NOX4: variants seen among roughly 807,000 people sequenced by gnomAD.
NOX4 encodes kidney oxidase-1.
In NOX4, 69 loss-of-function variants were observed where a neutral mutation model predicts 87.6. The observed-to-expected ratio is 0.79, with a 90% CI of 0.65 to 0.96. The LOEUF (loss-of-function observed/expected upper bound fraction) is 0.96. Ranked by LOEUF, NOX4 falls within the 40% of genes least tolerant of loss-of-function variation. The probability of loss-of-function intolerance (pLI) is 0.00; values close to 1 mark genes in which losing one functional copy is unlikely to be tolerated. For missense variants in NOX4, 680 were observed against 681.5 expected, an observed-to-expected ratio of 1.00 and a Z score of 0.02; for synonymous variants, 275 against 238.2, an observed-to-expected ratio of 1.15 and a Z score of -1.42.
At chr11:89,445,282 CTATA>C (rs1232679255) in intron 4 of NOX4, among the ~76,000 whole-genome samples, 4 of 151,994 alleles carry the variant, frequency 2.6e-5, no homozygotes, top group Non-Finnish European at 4.4e-5. Flanking sequence ...CTAGAAAACT[CTATA>C]ATTTCCCACA....
At chr11:89,351,797 C>T (rs1425395267) in intron 13 of NOX4, among the ~76,000 whole-genome samples, 4 of 152,106 alleles carry the variant, frequency 2.6e-5, no homozygotes, top group Admixed American at 2.0e-4. Context: ...AGTGTTACTA[C>T]TCACATAGGC....
the NOX4 span, among the ~76,000 whole-genome samples, chr11:89,576,276 T>C: frequency 6.6e-6 from 1 of 152,244 alleles, no homozygotes; most frequent in Non-Finnish European, 1.5e-5. Flanking sequence ...CCTGATGTCA[T>C]GTGAGTTCTA....
intron 2 of NOX4, among the ~76,000 whole-genome samples, chr11:89,486,253 C>T (rs1168896998): frequency 7.8e-6 from 1 of 128,252 alleles, no homozygotes; most frequent in Non-Finnish European, 1.8e-5. Context: ...TAGTTCTATA[C>T]CAATTTTATT....
Position 89,476,590 on chromosome 11 carries a change from T to C in NOX4, c.153+13868A>G, listed in dbSNP as rs577264451. Among the ~76,000 whole-genome samples, 5 of 152,306 alleles carry C rather than the reference T, an allele frequency of 3.3e-5. No individual in the cohort carries two copies. The South Asian group carries it at 8.3e-4, about 25-fold the overall frequency. ...TTTTTAAACAAAATGAACAACTTATTTGTGCTCCTTTTTAAAAGAAAACCT... is the reference window on the plus strand; with the variant it reads ...TTTTTAAACAAAATGAACAACTTATCTGTGCTCCTTTTTAAAAGAAAACCT... On this transcript the variant is annotated intron_variant, in intron 2 of 17. Transcript: ENST00000263317.
rs59756892 is a variant in NOX4 at position 89,401,117 on chromosome 11, C to T, written c.847-738G>A. Among the ~76,000 whole-genome samples, 1,165 of 152,156 alleles carry T rather than the reference C, an allele frequency of 7.7e-3. 19 individuals are homozygous for T. Among genetic ancestry groups the T allele is most frequent in the African/African-American group, 0.027 (1,133 of 41,518 alleles). On this transcript the variant is annotated intron_variant, in intron 9 of 17. Transcript: ENST00000263317. ...TTTCACATCCCTTTGAGGCCTCCAACTAAAACTTGTCTTAATGGTCACTTT... is the reference window on the plus strand; with the variant it reads ...TTTCACATCCCTTTGAGGCCTCCAATTAAAACTTGTCTTAATGGTCACTTT...
intron 2 of NOX4, among the ~76,000 whole-genome samples, chr11:89,461,006 T>C (rs1194995994): frequency 6.6e-6 from 1 of 152,122 alleles, no homozygotes; most frequent in East Asian, 1.9e-4. Flanking sequence ...ATGTCCTTTG[T>C]AGGGACATGG....
At chr11:89,356,415 G>C (rs922886465) in intron 12 of NOX4, among the ~76,000 whole-genome samples, 1 of 123,824 alleles carries the variant, frequency 8.1e-6, no homozygotes, top group Non-Finnish European at 1.6e-5. Flanking sequence ...GAGGGGGAGG[G>C]GAAGAGGAAG....
the NOX4 span, among the ~76,000 whole-genome samples, chr11:89,547,317 G>A: frequency 1.3e-5 from 2 of 152,116 alleles, no homozygotes; most frequent in Non-Finnish European, 2.9e-5. Flanking sequence ...ATGAGGTACA[G>A]TAAATTTTCG....
At chr11:89,543,337 G>A in the NOX4 span, among the ~76,000 whole-genome samples, 1 of 152,084 alleles carries the variant, frequency 6.6e-6, no homozygotes, top group Non-Finnish European at 1.5e-5. Flanking sequence ...AAAGGATTTG[G>A]TGATATAGAA....
chr11:89,421,021 C>T (rs925323963), intron 8 of NOX4, among the ~76,000 whole-genome samples: 2 of 152,138 alleles, frequency 1.3e-5, no homozygotes, highest in South Asian at 4.1e-4. Context: ...CATGCTTACC[C>T]ACATGGGTTT....
intron 4 of NOX4, among the ~76,000 whole-genome samples, chr11:89,446,810 T>G (rs1462040084): frequency 6.6e-6 from 1 of 152,160 alleles, no homozygotes; most frequent in East Asian, 1.9e-4. Context: ...TCATTACACA[T>G]TTGTGCAAAC....
At position 89,428,871 on chromosome 11, in the gene NOX4, G is replaced by A. The variant is rs547878862; in HGVS notation, c.548+3913C>T. Among the ~76,000 whole-genome samples, 5 of 152,216 alleles carry A rather than the reference G, an allele frequency of 3.3e-5. No homozygotes were observed. The South Asian group carries it at 1.0e-3, about 32-fold the overall frequency. On this transcript the variant is annotated intron_variant, in intron 7 of 17. Coordinates refer to ENST00000263317, the MANE Select transcript of NOX4 (RefSeq NM_016931.5). ...AGCTCTGCACCAAGCGGACCTAATA[G>A]ACACCTACAGAACTCTCCACTCCAA...
chr11:89,489,795 C>G (rs375927165), intron 2 of NOX4, among the ~76,000 whole-genome samples: 3 of 150,910 alleles, frequency 2.0e-5, no homozygotes, highest in African/African-American at 7.3e-5. Context: ...AAGTAATATG[C>G]CTTCAGTGAC....
At chr11:89,419,891 T>C (rs1265177162) in intron 8 of NOX4, among the ~76,000 whole-genome samples, 1 of 151,958 alleles carries the variant, frequency 6.6e-6, no homozygotes, top group East Asian at 1.9e-4. Context: ...AGTTTTAATT[T>C]AGTAAAACAT....
the NOX4 span, among the ~76,000 whole-genome samples, chr11:89,552,193 G>A: frequency 1.3e-5 from 2 of 152,104 alleles, no homozygotes; most frequent in Non-Finnish European, 2.9e-5. Context: ...CATTTCTGAA[G>A]GAAGTACTGT....
At chr11:89,451,173 C>A (rs1353283806) in intron 3 of NOX4, among the ~76,000 whole-genome samples, 1 of 151,800 alleles carries the variant, frequency 6.6e-6, no homozygotes, top group Non-Finnish European at 1.5e-5. Context: ...TGTAACAAGC[C>A]TGCATGTTGT....
chr11:89,535,363 T>C, the NOX4 span, among the ~76,000 whole-genome samples: 2 of 152,254 alleles, frequency 1.3e-5, no homozygotes, highest in African/African-American at 2.4e-5. Context: ...AACGTTTCAG[T>C]CAAGAGACAC....
intron 6 of NOX4, among the ~76,000 whole-genome samples, chr11:89,438,905 AAT>A (rs1240403563): frequency 1.2e-4 from 6 of 49,332 alleles, no homozygotes; most frequent in South Asian, 6.8e-4. Context: ...TTATATATAT[AAT>A]ATATAATATA....
At chr11:89,551,676 G>T in the NOX4 span, among the ~76,000 whole-genome samples, 1 of 152,160 alleles carries the variant, frequency 6.6e-6, no homozygotes, top group Non-Finnish European at 1.5e-5. Context: ...TTGCTTATCA[G>T]CTTAAGGAGT....
Sources: gnomAD v4.1 joint callset for allele counts (sites outside exome capture counted in the v4.1 genomes callset) on GRCh38, gnomAD v4.1.1 for gene constraint, MANE v1.5 for transcripts, NCBI Gene and HGNC (gene_info 2026-07-23, HGNC 2026-07-21) for gene names.